Variants in TOGARAM2 observed in about 807,000 individuals in gnomAD.
TOGARAM2 encodes TOG array regulator of axonemal microtubules 2, also known as TOG array regulator of axonemal microtubules protein 2.
TOGARAM2 carries 85 observed loss-of-function variants against 93.3 expected under a neutral mutation model. That is an observed-to-expected ratio of 0.91 (90% CI 0.76 to 1.09). TOGARAM2 has a LOEUF of 1.09. Among genes scored for constraint, TOGARAM2 ranks in the 50% least tolerant of loss-of-function variants. The pLI is 0.00. For missense variants in TOGARAM2, 1,277 were observed against 1,334.5 expected (o/e 0.96, Z 0.67); for synonymous variants, 593 against 552.8 (o/e 1.07, Z -1.02).
chr2:28,971,319 C>T (rs1239145263), intron 1 of TOGARAM2, among the ~76,000 whole-genome samples: 1 of 152,046 alleles, frequency 6.6e-6, no homozygotes, highest in Non-Finnish European at 1.5e-5. Flanking sequence ...TCAAGCGATC[C>T]TCCCACCTCA....
chr2:29,014,339 T>G, intron 7 of TOGARAM2, 56 bp from the exon 8 acceptor site: 243 of 1,565,050 alleles, frequency 1.6e-4, no homozygotes, highest in Middle Eastern at 2.2e-4. Context: ...ACAGGGTCAG[T>G]GAGCTCAGCA....
chr2:29,019,661 G>A (rs948107824), intron 10 of TOGARAM2, among the ~76,000 whole-genome samples: 1 of 152,086 alleles, frequency 6.6e-6, no homozygotes. Context: ...CAGGTGAGCG[G>A]GTAGGTAGAA....
intron 1 of TOGARAM2, among the ~76,000 whole-genome samples, chr2:28,983,200 T>TATA (rs1558400424): frequency 0.017 from 352 of 21,048 alleles, 3 homozygotes; most frequent in African/African-American, 0.053. Flanking sequence ...ATATATATAT[T>TATA]TTTTTTTTTT....
intron 17 of TOGARAM2, 27 bp downstream of exon 17, chr2:29,035,683 C>A (rs1441569434): frequency 7.3e-7 from 1 of 1,366,036 alleles, no homozygotes; most frequent in East Asian, 2.7e-5. Context: ...TTTACTCTCC[C>A]ACCTGTCTCT....
chr2:28,979,948 C>T (rs1381466113), upstream of TOGARAM2, among the ~76,000 whole-genome samples: 1 of 152,246 alleles, frequency 6.6e-6, no homozygotes. Flanking sequence ...CACGTCCCCG[C>T]CCTGGGTTCC....
intron 11 of TOGARAM2, among the ~76,000 whole-genome samples, chr2:29,022,648 T>C (rs1292353031): frequency 6.6e-6 from 1 of 152,194 alleles, no homozygotes; most frequent in Non-Finnish European, 1.5e-5. Flanking sequence ...TTTCTCTGAA[T>C]GAAATTGAAT....
rs1408138690 is a variant in TOGARAM2, at chr2:29,033,457, T to C, written c.2131-12T>C. ...CTCCTTTTGGCTCATGCTCTGTGTG[T>C]ATTTTTTCAAGGGAATAGAAGATAA... On this transcript the variant is annotated splice_polypyrimidine_tract_variant and intron_variant, in intron 15 of 19. Transcript: ENST00000379558. 1 of 1,609,552 alleles carries C rather than the reference T, an allele frequency of 6.2e-7. No individual in the cohort carries two copies. The highest frequency in any genetic ancestry group is 8.5e-7 in the Non-Finnish European group (1 of 1,177,868).
At chr2:29,002,860 A>G (rs958366565) in intron 5 of TOGARAM2, 113 bp downstream of exon 5, 4 of 968,480 alleles carry the variant, frequency 4.1e-6, no homozygotes, top group Non-Finnish European at 6.2e-6. Context: ...GCATCCCTGG[A>G]GGTGTCTTGA....
chr2:29,051,923 A>G lies in TOGARAM2; in HGVS notation c.2890A>G (p.Met964Val). The G allele has an allele frequency of 1.3e-6, 2 of 1,597,702 alleles. No homozygotes were observed. The highest frequency in any genetic ancestry group is 2.3e-5 in the East Asian group (1 of 43,984). Residue 964 changes from methionine (M) to valine (V), a missense_variant, in exon 20 of 20, where the codon ATG (methionine) becomes GTG (valine). Coordinates refer to ENST00000379558, the MANE Select transcript of TOGARAM2 (RefSeq NM_199280.4). ...CRLSRSLQEH[M>V]GSRLLDFAAS... ...GCTGTCCAGGAGCCTCCAGGAGCAC[A>G]TGGGCTCCCGCCTGCTGGACTTTGC...
chr2:28,985,324 T>G (rs900143936), intron 1 of TOGARAM2, among the ~76,000 whole-genome samples: 1 of 123,114 alleles, frequency 8.1e-6, no homozygotes, highest in African/African-American at 3.1e-5. Context: ...CAGAACTAAA[T>G]TGCTGGGGTT....
At chr2:29,012,427 G>A (rs537401303) in intron 7 of TOGARAM2, among the ~76,000 whole-genome samples, 345 of 152,288 alleles carry the variant, frequency 2.3e-3, no homozygotes, top group African/African-American at 8.0e-3. Flanking sequence ...CCCTGCTCCC[G>A]GGCCAGGCTG....
intron 6 of TOGARAM2, among the ~76,000 whole-genome samples, chr2:29,005,615 G>A (rs1206426786): frequency 5.6e-5 from 2 of 35,646 alleles, no homozygotes; most frequent in Non-Finnish European, 1.9e-4. Flanking sequence ...ATGCATGTGA[G>A]TGCATGTGTG....
intron 14 of TOGARAM2, among the ~76,000 whole-genome samples, chr2:29,028,163 G>A (rs1283138784): frequency 6.6e-6 from 1 of 152,172 alleles, no homozygotes; most frequent in Non-Finnish European, 1.5e-5. Flanking sequence ...TTGGATGAGT[G>A]TGTAGGTCTC....
chr2:29,007,775 G>C (rs566149286), intron 6 of TOGARAM2, among the ~76,000 whole-genome samples: 7 of 151,926 alleles, frequency 4.6e-5, no homozygotes, highest in Non-Finnish European at 1.0e-4. Context: ...CGACCCCACA[G>C]TTCCTCCCCG....
intron 1 of TOGARAM2, among the ~76,000 whole-genome samples, chr2:28,982,158 A>G (rs551975432): frequency 3.9e-5 from 6 of 152,358 alleles, no homozygotes; most frequent in Non-Finnish European, 8.8e-5. Flanking sequence ...TCAGGAGGGC[A>G]GCTGGCACGT....
intron 1 of TOGARAM2, among the ~76,000 whole-genome samples, chr2:28,961,703 T>C (rs1016619525): frequency 3.3e-5 from 5 of 152,210 alleles, no homozygotes; most frequent in African/African-American, 9.7e-5. Context: ...TTTCAACAAA[T>C]GTCTACACCT....
intron 1 of TOGARAM2, among the ~76,000 whole-genome samples, chr2:28,962,792 C>T (rs1263327070): frequency 8.5e-5 from 9 of 105,882 alleles, no homozygotes; most frequent in African/African-American, 2.9e-4. Context: ...CCTCCCTTTT[C>T]CTCCCCTTCC....
chr2:29,023,826 G>T (rs1665137322), intron 12 of TOGARAM2, among the ~76,000 whole-genome samples: 1 of 152,218 alleles, frequency 6.6e-6, no homozygotes, highest in Non-Finnish European at 1.5e-5. Flanking sequence ...GCACTACTGT[G>T]CTTCTCATGG....
rs767123404 is a variant in TOGARAM2, at chr2:28,973,440, C to CCTTCTTTCCT, written c.-147+16744_-147+16745insTTCTTTCCTC. Among the ~76,000 whole-genome samples the CCTTCTTTCCT allele has an allele frequency of 2.3e-4, 9 of 38,354 alleles. No individual in the cohort carries two copies. In the East Asian group the frequency reaches 2.8e-3, roughly 12 times the overall value. The allele number at this position is 38,354 out of a possible 152,430, so 25.2% of individuals were successfully genotyped here. ...CCTTCTTTCCTCCCTTCCTTCCCTTCCCCTTCCTTCCTTCCTTCCTTCCTT... is the reference window on the plus strand; with the variant it reads ...CCTTCTTTCCTCCCTTCCTTCCCTTCCTTCTTTCCTCCCTTCCTTCCTTCCTTCCTTCCTT... On this transcript the variant is annotated intron_variant, in intron 1 of 6. Transcript: ENST00000401723.
Sources: allele counts gnomAD v4.1 joint callset (sites outside exome capture counted in the v4.1 genomes callset), GRCh38; gene constraint gnomAD v4.1.1; transcripts MANE v1.5; gene names NCBI Gene and HGNC (gene_info 2026-07-23, HGNC 2026-07-21).